PTPRG: variants seen among roughly 807,000 people sequenced by gnomAD.
PTPRG encodes the protein protein tyrosine phosphatase receptor type G.
In PTPRG, 102 loss-of-function variants were observed where a neutral mutation model predicts 165.3. That is an observed-to-expected ratio of 0.62 (90% confidence interval 0.53 to 0.73). The LOEUF is 0.73. PTPRG is among the 30% of genes least tolerant of loss of function. The probability of loss-of-function intolerance (pLI) is 0.00; values close to 1 mark genes in which losing one functional copy is unlikely to be tolerated. For synonymous variants in PTPRG, 675 were observed against 669.5 expected, an observed-to-expected ratio of 1.01 and a Z score of -0.13; for missense variants, 1,866 against 1,861.4, an observed-to-expected ratio of 1.00 and a Z score of -0.05.
chr3:61,602,089 A>G (rs1700884285), intron 1 of PTPRG, among the ~76,000 whole-genome samples: 2 of 152,122 alleles, frequency 1.3e-5, no homozygotes, highest in African/African-American at 4.8e-5. Flanking sequence ...CTAATTGGAC[A>G]AATGTATCTA....
At chr3:61,714,644 C>T (rs2031722563) in intron 1 of PTPRG, among the ~76,000 whole-genome samples, 1 of 152,068 alleles carries the variant, frequency 6.6e-6, no homozygotes, top group African/African-American at 2.4e-5. Context: ...AAAGGTGGGG[C>T]CTTTTACTTT....
chr3:61,838,752 C>T lies in PTPRG; in HGVS notation c.190+89770C>T, dbSNP rs137891528. The stretch of plus-strand genomic sequence containing the variant: ...ACATATTGGGTATTCTTACCACTCT[C>T]CCTGAGCTTTTTCTTCTTCATTTGC... On this transcript the variant is annotated intron_variant, in intron 2 of 29. Coordinates refer to ENST00000474889, the MANE Select transcript of PTPRG (RefSeq NM_002841.4). Among the ~76,000 whole-genome samples the T allele has an allele frequency of 7.5e-4, 114 of 152,316 alleles. 1 individual carries two copies. In the East Asian group the frequency reaches 0.021, roughly 28 times the overall value.
rs994207079 is a variant in PTPRG, at chr3:62,213,854, A to G, written c.2156-4997A>G. On this transcript the variant is annotated intron_variant, in intron 12 of 29. Transcript: ENST00000474889. The surrounding 1 kb of genome is among the most constrained non-coding windows in gnomAD (Gnocchi z 4.4). ...AGCTTGCTGTTTTATTAGGGCCACAAATTGAGTCAGGGAGCAGGACGGGTA... is the reference window on the plus strand; with the variant it reads ...AGCTTGCTGTTTTATTAGGGCCACAGATTGAGTCAGGGAGCAGGACGGGTA... Among the ~76,000 whole-genome samples, 10 of 152,118 alleles carry G rather than the reference A, an allele frequency of 6.6e-5. No individual in the cohort carries two copies. Among genetic ancestry groups the G allele is most frequent in the Non-Finnish European group, 1.5e-4 (10 of 68,020 alleles).
chr3:61,908,121 T>TAAA lies in PTPRG; in HGVS notation c.191-81478_191-81476dup, dbSNP rs1183592777. On this transcript the variant is annotated intron_variant, in intron 2 of 29. Coordinates refer to ENST00000474889, the MANE Select transcript of PTPRG (RefSeq NM_002841.4). ...GCGACAGAACAAGACCACCTCTCTTTAAAAAAAAAAAAAAAAAAAAAAAAA... is the reference window on the plus strand; with the variant it reads ...GCGACAGAACAAGACCACCTCTCTTTAAAAAAAAAAAAAAAAAAAAAAAAAAAA... 9.2e-4 allele frequency among the ~76,000 whole-genome samples: 62 copies of TAAA among 67,184 alleles called. 3 individuals carry two copies. Among genetic ancestry groups the TAAA allele is most frequent in the East Asian group, 1.9e-3 (4 of 2,116 alleles). The allele number at this position is 67,184 out of a possible 152,430, so 44.1% of individuals were successfully genotyped here.
chr3:61,865,881 T>A (rs1176451487), intron 2 of PTPRG, among the ~76,000 whole-genome samples: 1 of 152,226 alleles, frequency 6.6e-6, no homozygotes, highest in Admixed American at 6.5e-5. Flanking sequence ...ATGCTGAGAT[T>A]CAGCAGTTGC....
chr3:62,191,739 C>T (rs1699828113), intron 9 of PTPRG, 86 bp downstream of exon 9: 4 of 1,317,358 alleles, frequency 3.0e-6, no homozygotes, highest in African/African-American at 1.4e-5. Flanking sequence ...CACAGTGTGC[C>T]AGCTCTGTGT....
intron 2 of PTPRG, among the ~76,000 whole-genome samples, chr3:61,924,528 A>G (rs1559692264): frequency 1.3e-5 from 2 of 152,242 alleles, no homozygotes; most frequent in Admixed American, 6.5e-5. Context: ...ATTGGCACAA[A>G]TTGTTCAGCA....
At chr3:61,666,555 G>A (rs1215480939) in intron 1 of PTPRG, among the ~76,000 whole-genome samples, 1 of 152,202 alleles carries the variant, frequency 6.6e-6, no homozygotes, top group East Asian at 1.9e-4. Context: ...CCTTTGTAGG[G>A]TTGTGATGAA....
chr3:61,898,695 G>A (rs2038424816), intron 2 of PTPRG, among the ~76,000 whole-genome samples: 1 of 152,138 alleles, frequency 6.6e-6, no homozygotes, highest in South Asian at 2.1e-4. Context: ...AAAGCATGTG[G>A]CAAAGGTCTT....
intron 1 of PTPRG, among the ~76,000 whole-genome samples, chr3:61,655,813 G>A (rs992175576): frequency 2.0e-5 from 3 of 152,086 alleles, no homozygotes; most frequent in Non-Finnish European, 4.4e-5. Flanking sequence ...TCCCAATGTT[G>A]CCTAGACTGG....
intron 2 of PTPRG, among the ~76,000 whole-genome samples, chr3:61,848,171 T>C (rs967130129): frequency 2.0e-5 from 3 of 152,210 alleles, no homozygotes; most frequent in Non-Finnish European, 4.4e-5. Flanking sequence ...GAGTGCCTCA[T>C]GCTACAGGAC....
intron 15 of PTPRG, among the ~76,000 whole-genome samples, chr3:62,247,683 C>T (rs1472801384): frequency 1.3e-5 from 2 of 152,182 alleles, no homozygotes; most frequent in African/African-American, 4.8e-5. Flanking sequence ...AAACAAGTCA[C>T]AGCCACGTTG....
intron 15 of PTPRG, among the ~76,000 whole-genome samples, chr3:62,251,769 CT>C (rs1701424071): frequency 6.6e-6 from 1 of 152,120 alleles, no homozygotes; most frequent in East Asian, 1.9e-4. Context: ...ACAGTGTATC[CT>C]AGTACACAGG....
At chr3:61,825,915 T>C (rs1325915407) in intron 2 of PTPRG, among the ~76,000 whole-genome samples, 1 of 144,270 alleles carries the variant, frequency 6.9e-6, no homozygotes. Flanking sequence ...CCTCCCAAAG[T>C]GCTGGGATTA....
chr3:61,717,839 A>T (rs1036241797), intron 1 of PTPRG, among the ~76,000 whole-genome samples: 7 of 152,082 alleles, frequency 4.6e-5, no homozygotes, highest in African/African-American at 1.7e-4. Flanking sequence ...TATTGTAGGT[A>T]TTAGAACATA....
Position 61,909,170 on chromosome 3 carries a change from C to G in PTPRG, c.191-80455C>G, listed in dbSNP as rs187428707. ...CACGTGCTCAGTGGTGGTTCTTCAG[C>G]AGAAAATTCAAAGATCAGCTACTGA... On this transcript the variant is annotated intron_variant, in intron 2 of 29. Coordinates refer to ENST00000474889, the MANE Select transcript of PTPRG (RefSeq NM_002841.4). Among the ~76,000 whole-genome samples, 276 of 152,224 alleles carry G rather than the reference C, an allele frequency of 1.8e-3. 4 individuals are homozygous for G. The highest frequency in any genetic ancestry group is 3.1e-4 in the Non-Finnish European group (21 of 68,018).
chr3:61,883,090 C>T (rs557273504), intron 2 of PTPRG, among the ~76,000 whole-genome samples: 1 of 136,318 alleles, frequency 7.3e-6, no homozygotes, highest in South Asian at 2.5e-4. Flanking sequence ...TGTGGCATTT[C>T]GCACAGGTGA....
chr3:62,065,925 C>T (rs1202066812), intron 4 of PTPRG, among the ~76,000 whole-genome samples: 3 of 152,202 alleles, frequency 2.0e-5, no homozygotes, highest in African/African-American at 4.8e-5. Context: ...AACTCAGAAG[C>T]GTTTGGAAGC....
chr3:62,042,932 A>AAC lies in PTPRG; in HGVS notation c.520-35231_520-35230insAC, dbSNP rs1305087079. 4.6e-5 allele frequency among the ~76,000 whole-genome samples: 7 copies of AAC among 152,264 alleles called. No individual in the cohort carries two copies. The East Asian group carries it at 1.4e-3, about 29-fold the overall frequency. On this transcript the variant is annotated intron_variant, in intron 4 of 29. Transcript: ENST00000474889. Reference sequence around the variant, plus strand: ...TTAGGGTTGTGACCTTTATCCTTTGACCCACATCTTAAAAAGGGTCAAATC... The same window carrying AAC: ...TTAGGGTTGTGACCTTTATCCTTTGAACCCCACATCTTAAAAAGGGTCAAATC...
Sources: gnomAD v4.1 joint callset for allele counts (sites outside exome capture counted in the v4.1 genomes callset) on GRCh38, gnomAD v4.1.1 for gene constraint, Gnocchi (gnomAD v3.1) non-coding constraint, MANE v1.5 for transcripts, NCBI Gene and HGNC (gene_info 2026-07-23, HGNC 2026-07-21) for gene names.